Variants in LRRK2 observed in about 807,000 individuals in gnomAD.
LRRK2 encodes the protein leucine-rich repeat serine/threonine-protein kinase 2.
Under a neutral mutation model 302.6 loss-of-function variants are expected in LRRK2, and 203 were observed. The observed-to-expected ratio is 0.67, with a 90% CI of 0.60 to 0.75. The LOEUF is 0.75. Ranked by LOEUF, LRRK2 falls within the 30% of genes least tolerant of loss-of-function variation. The probability of loss-of-function intolerance (pLI) is 0.00; values close to 1 mark genes in which losing one functional copy is unlikely to be tolerated. For synonymous variants in LRRK2, 1,066 were observed against 1,031.9 expected, an observed-to-expected ratio of 1.03 and a Z score of -0.63; for missense variants, 2,830 against 2,951.0, an observed-to-expected ratio of 0.96 and a Z score of 0.95.
At position 40,278,046 on chromosome 12, in the gene LRRK2, G is replaced by A. The variant is rs201306543; in HGVS notation, c.2070+30G>A. On this transcript the variant is annotated intron_variant, in intron 17 of 50. Transcript: ENST00000298910. The stretch of plus-strand genomic sequence containing the variant: ...AGTGTTTTTCACTTGCATCCTAAAT[G>A]TTATGTATTTATCTGACTCTAATTC... 171 of 1,613,566 alleles carry A rather than the reference G, an allele frequency of 1.1e-4. 1 individual carries two copies. Among genetic ancestry groups the A allele is most frequent in the Non-Finnish European group, 1.4e-4 (168 of 1,179,966 alleles).
At position 40,240,524 on chromosome 12, in the gene LRRK2, T is replaced by A; in HGVS notation, c.613T>A (p.Tyr205Asn). 6.2e-7 allele frequency: 1 copy of A among 1,613,134 alleles called. No individual in the cohort carries two copies. ...QLTEFVENKD[Y>N]MILLSALTNF... ...GACTGAATTTGTTGAGAACAAAGATTATATGATATTGTTAAGTGCGTTAAC... is the reference window on the plus strand; with the variant it reads ...GACTGAATTTGTTGAGAACAAAGATAATATGATATTGTTAAGTGCGTTAAC... The change falls in exon 6 of 51, where the codon TAT (tyrosine) becomes AAT (asparagine). Residue 205 changes from tyrosine to asparagine, a missense_variant. Around this residue, in one of 3 missense-constraint regions of LRRK2, gnomAD observed 2,121 missense variants for 2,148.0 expected, o/e 0.99. Coordinates refer to ENST00000298910, the MANE Select transcript of LRRK2 (RefSeq NM_198578.4).
Position 40,309,203 on chromosome 12 carries a change from T to C in LRRK2, c.4287T>C (p.Asp1429=). The C allele has an allele frequency of 6.2e-7, 1 of 1,613,922 alleles. No individual in the cohort carries two copies. Among genetic ancestry groups the C allele is most frequent in the South Asian group, 1.1e-5 (1 of 91,078 alleles). Residue 1429 remains aspartate (D), a synonymous_variant, in exon 30 of 51, where the codon GAT becomes GAC. Coordinates refer to ENST00000298910, the MANE Select transcript of LRRK2 (RefSeq NM_198578.4). ...YDLSKGQAEV[D]AMKPWLFNIK... Reference sequence around the variant, plus strand: ...TCAGCAAGGGACAGGCTGAAGTTGATGCCATGAAGCCTTGGCTCTTCAATA... The same window carrying C: ...TCAGCAAGGGACAGGCTGAAGTTGACGCCATGAAGCCTTGGCTCTTCAATA...
chr12:40,273,860 G>A (rs1472429452), intron 14 of LRRK2, among the ~76,000 whole-genome samples: 5 of 152,072 alleles, frequency 3.3e-5, no homozygotes, highest in African/African-American at 4.8e-5. Flanking sequence ...TTGATGAGTA[G>A]GATGGCCTGG....
intron 47 of LRRK2, 68 bp from the exon 48 acceptor site, chr12:40,363,334 T>C: frequency 1.4e-6 from 2 of 1,463,636 alleles, no homozygotes; most frequent in Non-Finnish European, 1.9e-6. Context: ...AATATAAGGT[T>C]GTATTACACG....
At chr12:40,261,806 A>G (rs1253944461) in intron 13 of LRRK2, among the ~76,000 whole-genome samples, 4 of 152,178 alleles carry the variant, frequency 2.6e-5, no homozygotes, top group African/African-American at 7.2e-5. Context: ...AAAGATGTAC[A>G]TTATGGCAAA....
At chr12:40,247,487 TGTGTATATATATTTACAC>T (rs1942037310) in intron 7 of LRRK2, among the ~76,000 whole-genome samples, 2 of 145,012 alleles carry the variant, frequency 1.4e-5, no homozygotes, top group Non-Finnish European at 3.0e-5. Context: ...TGTATATAAA[TGTGTATATATATTTACAC>T]ATGTATATAA....
chr12:40,284,192 C>G, intron 19 of LRRK2, 59 bp downstream of exon 19: 1 of 1,462,638 alleles, frequency 6.8e-7, no homozygotes, highest in South Asian at 1.2e-5. Context: ...TTTTTTAAGT[C>G]ACTAGTCTTT....
At chr12:40,342,332 C>G (rs1946068745) in intron 41 of LRRK2, among the ~76,000 whole-genome samples, 1 of 152,148 alleles carries the variant, frequency 6.6e-6, no homozygotes, top group Non-Finnish European at 1.5e-5. Flanking sequence ...TTCTTCATAC[C>G]AAGCCACACA....
intron 2 of LRRK2, among the ~76,000 whole-genome samples, chr12:40,228,411 T>C (rs1438249660): frequency 6.6e-6 from 1 of 151,546 alleles, no homozygotes; most frequent in Non-Finnish European, 1.5e-5. Flanking sequence ...TATTTGGATC[T>C]TTTGTCCATT....
chr12:40,251,347 G>A lies in LRRK2; in HGVS notation c.1074G>A (p.Thr358=), dbSNP rs978206271. The part of the protein sequence containing the change: ...FWLEACYKAL[T]WHRKNKHVQE... ...TGGAAGCCTGTTACAAAGCATTAAC[G>A]TGGCATAGAAAGAACAAGCACGTGC... The change falls in exon 9 of 51, where the codon ACG becomes ACA. Residue 358 remains threonine, a synonymous_variant. Transcript: ENST00000298910. 12 of 1,613,928 alleles carry A rather than the reference G, an allele frequency of 7.4e-6. No homozygotes were observed. Among genetic ancestry groups the A allele is most frequent in the South Asian group, 2.2e-5 (2 of 91,074 alleles).
In LRRK2 at chr12:40,247,804, A is replaced by G. The variant is rs186717771; in HGVS notation, c.839-2022A>G. On this transcript the variant is annotated intron_variant, in intron 7 of 50. Transcript: ENST00000298910. ...TATATAAATATACAAATATAAATATATACATTTATATATAAATATATATAT... is the reference window on the plus strand; with the variant it reads ...TATATAAATATACAAATATAAATATGTACATTTATATATAAATATATATAT... Among the ~76,000 whole-genome samples the G allele has an allele frequency of 7.0e-5, 10 of 142,886 alleles. No homozygotes were observed. In the East Asian group the frequency reaches 2.1e-3, roughly 29 times the overall value. 93.7% of individuals were successfully genotyped at this position (142,886 alleles called of 152,430 possible).
chr12:40,296,196 G>A (rs1379431678), intron 23 of LRRK2, among the ~76,000 whole-genome samples: 1 of 152,062 alleles, frequency 6.6e-6, no homozygotes, highest in African/African-American at 2.4e-5. Flanking sequence ...AAGAATTAAA[G>A]TATAACATAG....
At chr12:40,364,536 G>T (rs1265795231) in intron 48 of LRRK2, among the ~76,000 whole-genome samples, 1 of 150,110 alleles carries the variant, frequency 6.7e-6, no homozygotes, top group African/African-American at 2.4e-5. Context: ...TCTTTATCCT[G>T]GGCACATGTA....
At chr12:40,321,859 A>G (rs1424037137) in intron 35 of LRRK2, among the ~76,000 whole-genome samples, 176 bp from the exon 36 acceptor site, 1 of 152,062 alleles carries the variant, frequency 6.6e-6, no homozygotes, top group Non-Finnish European at 1.5e-5. Flanking sequence ...AACTCTTTTT[A>G]TTGTAAAGTT....
At chr12:40,316,360 T>C (rs1945220888) in intron 33 of LRRK2, 1 of 984,512 alleles carries the variant, frequency 1.0e-6, no homozygotes, top group African/African-American at 1.7e-5. Flanking sequence ...ATTGAAACAT[T>C]GCAATCAGCA....
rs1326990005 is a variant in LRRK2 at position 40,368,175 on chromosome 12, T to C, written c.*410T>C. ...GATTTTTCTAGAAATCTGCACGGTA[T>C]AATGAAAATATTAAGACAGTTTCCC... On this transcript the variant is annotated 3_prime_UTR_variant, in exon 51 of 51. Coordinates refer to ENST00000298910, the MANE Select transcript of LRRK2 (RefSeq NM_198578.4). 1.3e-5 allele frequency: 2 copies of C among 156,218 alleles called. No homozygotes were observed. The highest frequency in any genetic ancestry group is 2.8e-5 in the Non-Finnish European group (2 of 70,740). 9.7% of individuals were successfully genotyped at this position (156,218 alleles called of 1,614,324 possible).
chr12:40,332,882 G>C (rs1427092413), intron 39 of LRRK2, among the ~76,000 whole-genome samples: 2 of 150,014 alleles, frequency 1.3e-5, no homozygotes, highest in Non-Finnish European at 3.0e-5. Flanking sequence ...GCCAATTAGT[G>C]TATAAGCAGG....
chr12:40,322,037 C>G lies in LRRK2; in HGVS notation c.5173C>G (p.Arg1725Gly), dbSNP rs11564176. ...ISPYMLSGRE[R>G]ALRPNRMYWR... Reference sequence around the variant, plus strand: ...TAATTAATGGCTCCATTTTTTAGAACGAGCACTTCGCCCAAACAGAATGTA... The same window carrying G: ...TAATTAATGGCTCCATTTTTTAGAAGGAGCACTTCGCCCAAACAGAATGTA... The change falls in exon 36 of 51, where the codon CGA (arginine) becomes GGA (glycine). Residue 1725 changes from arginine (R) to glycine (G), a missense_variant and splice_region_variant. Arg to Gly is a moderately radical substitution (Grantham distance 125, BLOSUM62 -2). This residue lies in a region of LRRK2 where 2,121 missense variants were observed against 2,148.0 expected (regional missense o/e 0.99). Transcript: ENST00000298910. The G allele has an allele frequency of 2.5e-6, 4 of 1,612,954 alleles. No individual in the cohort carries two copies. The highest frequency in any genetic ancestry group is 3.4e-6 in the Non-Finnish European group (4 of 1,179,314).
Position 40,263,839 on chromosome 12 carries a change from A to T in LRRK2, c.1594A>T (p.Met532Leu), listed in dbSNP as rs764596137. 1 of 1,613,304 alleles carries T rather than the reference A, an allele frequency of 6.2e-7. No homozygotes were observed. The highest frequency in any genetic ancestry group is 8.5e-7 in the Non-Finnish European group (1 of 1,179,508). The stretch of plus-strand genomic sequence containing the variant: ...TACAGAATTTCATCATAAGCTAAAT[A>T]TGGTTAAAAAACAGTGTTTCAAGAA... The part of the protein sequence containing the change: ...EDTEFHHKLN[M>L]VKKQCFKNDI... Residue 532 changes from methionine to leucine, a missense_variant, in exon 14 of 51, where the codon ATG becomes TTG. Around this residue, in one of 3 missense-constraint regions of LRRK2, gnomAD observed 2,121 missense variants for 2,148.0 expected, o/e 0.99. Transcript: ENST00000298910.
Sources: allele counts gnomAD v4.1 joint callset (sites outside exome capture counted in the v4.1 genomes callset), GRCh38; gene constraint gnomAD v4.1.1; regional missense constraint gnomAD v4.1.1; transcripts MANE v1.5; gene names NCBI Gene and HGNC (gene_info 2026-07-23, HGNC 2026-07-21).